KMT2E: variants seen among roughly 807,000 people sequenced by gnomAD.
KMT2E encodes the protein lysine methyltransferase 2E (inactive).
A neutral mutation model predicts 184.6 loss-of-function variants in KMT2E; 30 were observed. The ratio of observed to expected loss-of-function variants is 0.16; its 90% CI spans 0.12 to 0.22. KMT2E has a LOEUF of 0.22. KMT2E is among the 10% of genes least tolerant of loss of function. KMT2E has a pLI of 1.00. For missense variants in KMT2E, 2,023 were observed against 2,237.4 expected (o/e 0.90, Z 1.93); for synonymous variants, 815 against 776.5 (o/e 1.05, Z -0.82).
chr7:105,079,676 A>C (rs546495216), intron 12 of KMT2E, among the ~76,000 whole-genome samples: 4 of 150,348 alleles, frequency 2.7e-5, no homozygotes, highest in African/African-American at 9.8e-5. Context: ...AGGCGTGTGC[A>C]ACCATGCCCA....
At chr7:105,108,022 CTTAA>C (rs892260375) in intron 22 of KMT2E, 97 bp downstream of exon 22, 11 of 726,410 alleles carry the variant, frequency 1.5e-5, no homozygotes, top group East Asian at 1.3e-4. Context: ...GTAAGGCATT[CTTAA>C]TTTAGTTATT....
chr7:105,060,313 C>A (rs6952534), intron 3 of KMT2E, among the ~76,000 whole-genome samples: 41,558 of 151,958 alleles, frequency 0.27, 8,373 homozygotes, highest in East Asian at 0.58. Context: ...CACATAACAA[C>A]GTTTCAGTCA....
At chr7:105,055,153 C>G (rs779855082) in intron 3 of KMT2E, among the ~76,000 whole-genome samples, 2 of 150,246 alleles carry the variant, frequency 1.3e-5, no homozygotes, top group South Asian at 2.1e-4. Flanking sequence ...ACATCATTAA[C>G]TTGCTTGGGA....
In KMT2E at chr7:105,062,132, G is replaced by A. The variant is rs760389212; in HGVS notation, c.72-32G>A. The A allele has an allele frequency of 3.7e-6, 5 of 1,334,548 alleles. No individual in the cohort carries two copies. In the East Asian group the frequency reaches 1.1e-4, roughly 31 times the overall value. The allele number at this position is 1,334,548 out of a possible 1,614,324, so 82.7% of individuals were successfully genotyped here. A position where few individuals can be genotyped will look rare whatever the true frequency, so the allele number is the denominator to read the frequency against. ...TGATTAAGAGGAAAAAAAAAGAATG[G>A]AATTCTCTTTGATGCAACTTTTTCC... On this transcript the variant is annotated intron_variant, in intron 3 of 26. Coordinates refer to ENST00000311117, the MANE Select transcript of KMT2E (RefSeq NM_182931.3).
At chr7:105,049,406 T>TACA (rs1796236506) in intron 3 of KMT2E, among the ~76,000 whole-genome samples, 1 of 151,528 alleles carries the variant, frequency 6.6e-6, no homozygotes, top group South Asian at 2.1e-4. Context: ...ATCACACCAC[T>TACA]ACATTCTAGC....
chr7:105,085,665 C>T (rs1311240182), intron 13 of KMT2E, among the ~76,000 whole-genome samples: 1 of 151,728 alleles, frequency 6.6e-6, no homozygotes, highest in Non-Finnish European at 1.5e-5. Flanking sequence ...TTCCTTCCTT[C>T]ACTAACTGCT....
At position 105,014,306 on chromosome 7, in the gene KMT2E, C is replaced by A. The variant is rs1364681050; in HGVS notation, c.-418C>A. The A allele has an allele frequency of 1.3e-5, 2 of 156,620 alleles. No homozygotes were observed. Among genetic ancestry groups the A allele is most frequent in the Admixed American group, 6.5e-5 (1 of 15,370 alleles). 9.7% of individuals were successfully genotyped at this position (156,620 alleles called of 1,614,324 possible). A position where few individuals can be genotyped will look rare whatever the true frequency, so the allele number is the denominator to read the frequency against. On this transcript the variant is annotated 5_prime_UTR_variant, in exon 1 of 27. Coordinates refer to ENST00000311117, the MANE Select transcript of KMT2E (RefSeq NM_182931.3). Reference sequence around the variant, plus strand: ...GAGTGGGCATAGACACTCCGAGCAGCCTCGCCGTCGTCTCTGCGTTCCTGT... The same window carrying A: ...GAGTGGGCATAGACACTCCGAGCAGACTCGCCGTCGTCTCTGCGTTCCTGT...
chr7:105,035,573 A>G (rs909396167), intron 1 of KMT2E, among the ~76,000 whole-genome samples: 4 of 151,090 alleles, frequency 2.6e-5, no homozygotes, highest in African/African-American at 9.8e-5. Flanking sequence ...GTAGTGTTCC[A>G]TTTAATTTTA....
Position 105,107,965 on chromosome 7 carries a change from T to G in KMT2E, c.3468+40T>G, listed in dbSNP as rs752154299. On this transcript the variant is annotated intron_variant, in intron 22 of 26. Transcript: ENST00000311117. The stretch of plus-strand genomic sequence containing the variant: ...AATTTATAGTCCTTTTAATAGTTTT[T>G]TTTTTTTTTTCATAATACTACTGAG... 8 of 1,424,732 alleles carry G rather than the reference T, an allele frequency of 5.6e-6. No homozygotes were observed. The African/African-American group carries it at 7.3e-5, about 13-fold the overall frequency. 88.3% of individuals were successfully genotyped at this position (1,424,732 alleles called of 1,614,324 possible). A position where few individuals can be genotyped will look rare whatever the true frequency, so the allele number is the denominator to read the frequency against.
Position 105,106,570 on chromosome 7 carries a change from C to T in KMT2E, c.2645C>T (p.Ser882Leu), listed in dbSNP as rs200476733. ...CGAAGATTTTATCAGTTGCTAGATTCGGTTTACTCAGAAACCTCCACACCT... is the reference window on the plus strand; with the variant it reads ...CGAAGATTTTATCAGTTGCTAGATTTGGTTTACTCAGAAACCTCCACACCT... ...KKRRFYQLLD[S>L]VYSETSTPTP... Residue 882 changes from serine (S) to leucine (L), a missense_variant, in exon 20 of 27, where the codon TCG becomes TTG. Ser to Leu is a moderately radical substitution (Grantham distance 145). Transcript: ENST00000311117. 1.6e-5 allele frequency: 25 copies of T among 1,612,220 alleles called. No homozygotes were observed. The highest frequency in any genetic ancestry group is 1.6e-4 in the Middle Eastern group (1 of 6,062).
chr7:105,112,138 A>T lies in KMT2E; in HGVS notation c.4382A>T (p.Gln1461Leu). 1 of 1,614,172 alleles carries T rather than the reference A, an allele frequency of 6.2e-7. No individual in the cohort carries two copies. Among genetic ancestry groups the T allele is most frequent in the Non-Finnish European group, 8.5e-7 (1 of 1,180,034 alleles). Residue 1461 changes from glutamine to leucine, a missense_variant, in exon 27 of 27, where the codon CAG (glutamine) becomes CTG (leucine). Gln to Leu is a moderately radical substitution (Grantham distance 113). This residue lies in a region of KMT2E where 1,108 missense variants were observed against 1,050.9 expected (regional missense o/e 1.05). Coordinates refer to ENST00000311117, the MANE Select transcript of KMT2E (RefSeq NM_182931.3). ...TCATCCACGCCTCACACACCTGTAC[A>T]GCATGGTTATCTTTCACCAAAGCCT... ...PKSSTPHTPV[Q>L]HGYLSPKPPS...
At chr7:105,045,747 A>G (rs913937048) in intron 3 of KMT2E, among the ~76,000 whole-genome samples, 2 of 152,204 alleles carry the variant, frequency 1.3e-5, no homozygotes, top group African/African-American at 2.4e-5. Flanking sequence ...TAGTACTGCT[A>G]TGAACATTGG....
Position 105,112,394 on chromosome 7 carries a change from TCCA to T in KMT2E, c.4641_4643del (p.Pro1552del). On this transcript the variant is annotated inframe_deletion, in exon 27 of 27. Transcript: ENST00000311117. ...GTCTGAACAGCACGGCACCACCCCC[TCCA>T]CCTCCTCCACCTCCTTCTTCGTCTT... 1 of 1,612,214 alleles carries T rather than the reference TCCA, an allele frequency of 6.2e-7. No individual in the cohort carries two copies. The highest frequency in any genetic ancestry group is 1.1e-5 in the South Asian group (1 of 91,046).
In KMT2E at chr7:105,074,684, G is replaced by A. The variant is rs2129567970; in HGVS notation, c.598G>A (p.Val200Met). The change falls in exon 8 of 27, where the codon GTG becomes ATG. Residue 200 changes from valine (V) to methionine (M), a missense_variant. Coordinates refer to ENST00000311117, the MANE Select transcript of KMT2E (RefSeq NM_182931.3). ...AACTGAGAGTGGTGATGAGGTTCCT[G>A]TGGAATTATATACTGCATTTCAGCA... The part of the protein sequence containing the change: ...SATESGDEVP[V>M]ELYTAFQHTP... 1.3e-6 allele frequency: 2 copies of A among 1,585,152 alleles called. No homozygotes were observed. The highest frequency in any genetic ancestry group is 1.7e-6 in the Non-Finnish European group (2 of 1,166,142).
At chr7:105,089,282 T>A (rs1322607613) in intron 13 of KMT2E, 4 of 424,372 alleles carry the variant, frequency 9.4e-6, no homozygotes, top group Non-Finnish European at 1.9e-5. Context: ...CACTGCAACT[T>A]CTGCCTCCTG....
chr7:105,113,077 G>T lies in KMT2E; in HGVS notation c.5321G>T (p.Gly1774Val). 6.2e-7 allele frequency: 1 copy of T among 1,614,026 alleles called. No homozygotes were observed. Among genetic ancestry groups the T allele is most frequent in the Non-Finnish European group, 8.5e-7 (1 of 1,180,002 alleles). ...ACACATCATACCACTTTGGGACCGG[G>T]ACCCCAGCACCAGCCTTCTGGAACA... Reference protein sequence around the residue: ...QATHHTTLGPGPQHQPSGTGP... With the variant: ...QATHHTTLGPVPQHQPSGTGP... The change falls in exon 27 of 27, where the codon GGA becomes GTA. Residue 1774 changes from glycine (G) to valine (V), a missense_variant. This residue lies in a region of KMT2E where 1,108 missense variants were observed against 1,050.9 expected (regional missense o/e 1.05). Coordinates refer to ENST00000311117, the MANE Select transcript of KMT2E (RefSeq NM_182931.3).
At chr7:105,059,498 T>C (rs1038363987) in intron 3 of KMT2E, among the ~76,000 whole-genome samples, 2 of 152,210 alleles carry the variant, frequency 1.3e-5, no homozygotes, top group African/African-American at 2.4e-5. Context: ...CAGGAACTCA[T>C]GTTATAGAAA....
chr7:105,110,751 AGGT>A lies in KMT2E; in HGVS notation c.3971-19_3971-17del. ...TATTGTGTAATTTTATACTTACTATAGGTTTCTTCTGCTTTATAGACCCTGATC... is the reference window on the plus strand; with the variant it reads ...TATTGTGTAATTTTATACTTACTATATTCTTCTGCTTTATAGACCCTGATC... On this transcript the variant is annotated splice_polypyrimidine_tract_variant and intron_variant, in intron 25 of 26. Transcript: ENST00000311117. 1 of 1,601,700 alleles carries A rather than the reference AGGT, an allele frequency of 6.2e-7. No homozygotes were observed. Among genetic ancestry groups the A allele is most frequent in the South Asian group, 1.1e-5 (1 of 90,826 alleles).
chr7:105,022,712 G>A (rs1212853364), intron 1 of KMT2E, among the ~76,000 whole-genome samples: 1 of 151,984 alleles, frequency 6.6e-6, no homozygotes, highest in Non-Finnish European at 1.5e-5. Context: ...GTAAATACAC[G>A]AAGGTTTTTC....
Sources: gnomAD v4.1 joint callset for allele counts (sites outside exome capture counted in the v4.1 genomes callset) on GRCh38, gnomAD v4.1.1 for gene constraint, gnomAD v4.1.1 regional missense constraint, MANE v1.5 for transcripts, NCBI Gene and HGNC (gene_info 2026-07-23, HGNC 2026-07-21) for gene names.